SLC12A1: variants seen among roughly 807,000 people sequenced by gnomAD.
SLC12A1 encodes solute carrier family 12 member 1, also known as Na-K-2Cl cotransporter.
SLC12A1 carries 89 observed loss-of-function variants against 130.4 expected under a neutral mutation model. The observed-to-expected ratio is 0.68, with a 90% confidence interval of 0.58 to 0.81. The LOEUF is 0.81. Among genes scored for constraint, SLC12A1 ranks in the 40% least tolerant of loss-of-function variants. The pLI, the probability that SLC12A1 is intolerant of heterozygous loss-of-function variation, is 0.00. For missense variants in SLC12A1, 1,310 were observed against 1,336.4 expected, an observed-to-expected ratio of 0.98 and a Z score of 0.31; for synonymous variants, 499 against 460.0, an observed-to-expected ratio of 1.08 and a Z score of -1.09.
intron 14 of SLC12A1, among the ~76,000 whole-genome samples, 157 bp from the exon 15 acceptor site, chr15:48,251,458 C>G (rs1346565553): frequency 6.6e-6 from 1 of 152,070 alleles, no homozygotes; most frequent in Non-Finnish European, 1.5e-5. Context: ...AGACCAGGGA[C>G]CCAAGACCAT....
At chr15:48,245,779 A>G (rs1472550003) in intron 11 of SLC12A1, among the ~76,000 whole-genome samples, 5 of 152,206 alleles carry the variant, frequency 3.3e-5, no homozygotes, top group African/African-American at 1.2e-4. Context: ...TTTTGGATAT[A>G]TACCCAGTAA....
rs1304692272 is a variant in SLC12A1, at chr15:48,226,505, A to G, written c.658A>G (p.Thr220Ala). 1 of 1,602,082 alleles carries G rather than the reference A, an allele frequency of 6.2e-7. No homozygotes were observed. The highest frequency in any genetic ancestry group is 8.5e-7 in the Non-Finnish European group (1 of 1,175,122). ...GLGVLIILLSTMVTSITGLST... is the reference protein window; with the variant it reads ...GLGVLIILLSAMVTSITGLST... ...TGGAGTTCTCATAATTCTTCTTTCC[A>G]CCATGGTAACTTCTATTACTGGGTT... Residue 220 changes from threonine (T) to alanine (A), a missense_variant, in exon 5 of 27, where the codon ACC becomes GCC. Thr to Ala is a moderately conservative substitution (Grantham distance 58). Coordinates refer to ENST00000380993, the MANE Select transcript of SLC12A1 (RefSeq NM_000338.3).
At chr15:48,295,031 C>T (rs1380910024) in intron 24 of SLC12A1, among the ~76,000 whole-genome samples, 6 of 151,656 alleles carry the variant, frequency 4.0e-5, no homozygotes, top group Admixed American at 3.9e-4. Context: ...CCTGCCTCAG[C>T]CTCTTGAGTA....
At chr15:48,250,031 C>T (rs529530267) in intron 14 of SLC12A1, among the ~76,000 whole-genome samples, 6 of 152,294 alleles carry the variant, frequency 3.9e-5, no homozygotes, top group African/African-American at 1.4e-4. Flanking sequence ...AACTTCCTTA[C>T]TATCAAATTT....
chr15:48,296,571 A>G (rs972799615), intron 24 of SLC12A1, among the ~76,000 whole-genome samples: 3 of 152,242 alleles, frequency 2.0e-5, no homozygotes, highest in Non-Finnish European at 4.4e-5. Context: ...CAGTTGGTAC[A>G]TTACTTTGAG....
At chr15:48,239,993 T>G (rs1168915433) in intron 9 of SLC12A1, among the ~76,000 whole-genome samples, 3 of 142,056 alleles carry the variant, frequency 2.1e-5, no homozygotes, top group Non-Finnish European at 4.5e-5. Flanking sequence ...CTGCCTTCCA[T>G]CTTCACATCT....
rs1203911717 is a variant in SLC12A1, at chr15:48,234,885, T to C, written c.1096T>C (p.Phe366Leu). 1 of 1,613,958 alleles carries C rather than the reference T, an allele frequency of 6.2e-7. No homozygotes were observed. Among genetic ancestry groups the C allele is most frequent in the Non-Finnish European group, 8.5e-7 (1 of 1,179,812 alleles). Residue 366 changes from phenylalanine (F) to leucine (L), a missense_variant, in exon 9 of 27, where the codon TTT (phenylalanine) becomes CTT (leucine). Coordinates refer to ENST00000380993, the MANE Select transcript of SLC12A1 (RefSeq NM_000338.3). ...TATAATTTATGTTGCAGCATCAATA[T>C]TTGCAGAAAACTTTGGGCCACGCTT... ...RGFFNYQASI[F>L]AENFGPRFTK...
chr15:48,228,635 G>C (rs1278525417), intron 5 of SLC12A1: 3 of 253,490 alleles, frequency 1.2e-5, no homozygotes, highest in African/African-American at 2.3e-5. Flanking sequence ...AGAAAAGCAA[G>C]TTTGATTTAA....
At chr15:48,300,942 CT>C (rs1203277904) in intron 25 of SLC12A1, among the ~76,000 whole-genome samples, 2 of 152,220 alleles carry the variant, frequency 1.3e-5, no homozygotes, top group African/African-American at 4.8e-5. Flanking sequence ...GGCCATTCCA[CT>C]GTGCATAGGC....
chr15:48,242,539 A>G (rs2041528460), intron 10 of SLC12A1, among the ~76,000 whole-genome samples: 1 of 152,242 alleles, frequency 6.6e-6, no homozygotes, highest in Admixed American at 6.5e-5. Context: ...ACAGTAGCTC[A>G]TGCCTGTAAT....
chr15:48,231,176 T>C (rs1234817870), intron 7 of SLC12A1, among the ~76,000 whole-genome samples: 2 of 152,180 alleles, frequency 1.3e-5, no homozygotes, highest in Admixed American at 6.5e-5. Context: ...ATAGAAAACA[T>C]TCCTACATGG....
chr15:48,280,219 A>C (rs926610421), intron 20 of SLC12A1, among the ~76,000 whole-genome samples: 1 of 152,156 alleles, frequency 6.6e-6, no homozygotes, highest in East Asian at 1.9e-4. Flanking sequence ...AATCTTGACA[A>C]GTAAATTGAG....
Position 48,207,695 on chromosome 15 carries a change from C to T in SLC12A1, c.-25C>T, listed in dbSNP as rs2040997905. The T allele has an allele frequency of 6.6e-7, 1 of 1,521,010 alleles. No individual in the cohort carries two copies. Among genetic ancestry groups the T allele is most frequent in the South Asian group, 1.4e-5 (1 of 73,212 alleles). The allele number at this position is 1,521,010 out of a possible 1,614,324, so 94.2% of individuals were successfully genotyped here. A position where few individuals can be genotyped will look rare whatever the true frequency, so the allele number is the denominator to read the frequency against. On this transcript the variant is annotated 5_prime_UTR_variant, in exon 2 of 27. Transcript: ENST00000380993. ...TTTAAAACAACCACAAAGTAGATAG[C>T]TCAGTAAAAAATCAATTTTGGAAGA...
chr15:48,294,911 A>ATTTATTTTTTT (rs2141123416), intron 24 of SLC12A1, among the ~76,000 whole-genome samples: 1 of 150,920 alleles, frequency 6.6e-6, no homozygotes, highest in East Asian at 1.9e-4. Context: ...TTATTTATTT[A>ATTTATTTTTTT]TTTATTTATT....
Position 48,267,699 on chromosome 15 carries a change from C to T in SLC12A1, c.2293C>T (p.Gln765Ter). The change falls in exon 18 of 27, where the codon CAG becomes TAG. Residue 765 changes from glutamine (Q) to a stop codon, truncating the protein, a stop_gained and splice_region_variant. Coordinates refer to ENST00000380993, the MANE Select transcript of SLC12A1 (RefSeq NM_000338.3). LOFTEE classifies it high-confidence loss of function. Reference protein sequence around the residue: ...CFRDGVRSLLQASGLGRMKPN... With the variant: ...CFRDGVRSLL ...CAGGGATGGTGTCCGAAGTCTTCTT[C>T]AGGTAAGGCTGCATTGAGGGAATGA... The T allele has an allele frequency of 6.2e-7, 1 of 1,613,146 alleles. No homozygotes were observed. The highest frequency in any genetic ancestry group is 8.5e-7 in the Non-Finnish European group (1 of 1,179,312).
intron 17 of SLC12A1, among the ~76,000 whole-genome samples, chr15:48,264,331 C>A (rs890703806): frequency 6.6e-6 from 1 of 151,918 alleles, no homozygotes; most frequent in African/African-American, 2.4e-5. Flanking sequence ...TCTTTGAATT[C>A]TCTGTTTGAG....
At chr15:48,266,945 A>T (rs1010546390) in intron 17 of SLC12A1, among the ~76,000 whole-genome samples, 1 of 152,232 alleles carries the variant, frequency 6.6e-6, no homozygotes, top group African/African-American at 2.4e-5. Context: ...ATAGGTACGT[A>T]AACCTTTGTT....
chr15:48,288,638 G>A, intron 23 of SLC12A1, 122 bp downstream of exon 23: 2 of 581,238 alleles, frequency 3.4e-6, no homozygotes, highest in South Asian at 2.5e-5. Flanking sequence ...CACCAGGATA[G>A]GCCTCGTGTT....
intron 19 of SLC12A1, among the ~76,000 whole-genome samples, chr15:48,270,283 A>G (rs2041878825): frequency 6.6e-6 from 1 of 152,168 alleles, no homozygotes; most frequent in Non-Finnish European, 1.5e-5. Flanking sequence ...ATAACCTCTA[A>G]TAGCTAAATA....
Sources: gnomAD v4.1 joint callset for allele counts (sites outside exome capture counted in the v4.1 genomes callset) on GRCh38, gnomAD v4.1.1 for gene constraint, MANE v1.5 for transcripts, NCBI Gene and HGNC (gene_info 2026-07-23, HGNC 2026-07-21) for gene names.